CSMD1: variants seen among roughly 807,000 people sequenced by gnomAD.
The protein encoded by CSMD1 is CUB and sushi domain-containing protein 1.
CSMD1 carries 213 observed loss-of-function variants against 417.5 expected under a neutral mutation model. The observed-to-expected ratio is 0.51, with a 90% CI of 0.46 to 0.57. The LOEUF is 0.57. Among genes scored for constraint, CSMD1 ranks in the 20% least tolerant of loss-of-function variants. The probability of loss-of-function intolerance (pLI) is 0.00; values close to 1 mark genes in which losing one functional copy is unlikely to be tolerated. For missense variants in CSMD1, 6,923 were observed against 4,529.7 expected (o/e 1.53, Z -15.17); for synonymous variants, 2,862 against 1,736.8 (o/e 1.65, Z -16.11).
intron 2 of CSMD1, among the ~76,000 whole-genome samples, chr8:4,444,630 C>G (rs73660829): frequency 5.3e-4 from 80 of 152,194 alleles, no homozygotes; most frequent in African/African-American, 1.9e-3. Context: ...CATCTGTAAA[C>G]ATGGTTATTA....
chr8:3,941,132 C>G (rs149203000), intron 5 of CSMD1, among the ~76,000 whole-genome samples: 1 of 151,936 alleles, frequency 6.6e-6, no homozygotes, highest in Non-Finnish European at 1.5e-5. Flanking sequence ...CATATGTATA[C>G]AGTTAAGAAG....
chr8:3,801,399 A>G (rs12542437), intron 5 of CSMD1, among the ~76,000 whole-genome samples: 121,515 of 152,098 alleles, frequency 0.8, 48,749 homozygotes, highest in African/African-American at 0.85. Context: ...TAAATTTAAA[A>G]CCACAGTGAG....
intron 1 of CSMD1, among the ~76,000 whole-genome samples, chr8:4,936,731 G>A (rs1427056798): frequency 6.6e-6 from 1 of 152,106 alleles, no homozygotes; most frequent in South Asian, 2.1e-4. Context: ...TTAATAGGCA[G>A]GACCTGATAA....
intron 49 of CSMD1, among the ~76,000 whole-genome samples, chr8:3,062,215 C>T (rs551683615): frequency 6.6e-6 from 1 of 152,124 alleles, no homozygotes; most frequent in Admixed American, 6.6e-5. Flanking sequence ...AATAATTAGG[C>T]ACCAAGAAAC....
At chr8:3,764,137 G>C (rs1055172447) in intron 5 of CSMD1, among the ~76,000 whole-genome samples, 1 of 152,156 alleles carries the variant, frequency 6.6e-6, no homozygotes, top group Non-Finnish European at 1.5e-5. Context: ...GGCTCAGGGA[G>C]TGCACAGCAC....
intron 12 of CSMD1, among the ~76,000 whole-genome samples, chr8:3,453,831 C>T (rs546301584): frequency 6.6e-6 from 1 of 152,278 alleles, no homozygotes; most frequent in Admixed American, 6.5e-5. Flanking sequence ...ATTAGATCTG[C>T]TTGGTGCAGA....
At chr8:4,016,698 C>G (rs150683092) in intron 4 of CSMD1, among the ~76,000 whole-genome samples, 69 of 152,272 alleles carry the variant, frequency 4.5e-4, no homozygotes, top group Middle Eastern at 3.4e-3. Flanking sequence ...ATAGATTTAG[C>G]CTTTAAGTAA....
chr8:4,820,216 T>C (rs1278186126), intron 1 of CSMD1, among the ~76,000 whole-genome samples: 1 of 152,124 alleles, frequency 6.6e-6, no homozygotes, highest in Admixed American at 6.5e-5. Flanking sequence ...CAGAGAATGA[T>C]ATGCATTATT....
At chr8:4,324,963 A>T (rs1799473754) in intron 3 of CSMD1, among the ~76,000 whole-genome samples, 1 of 152,146 alleles carries the variant, frequency 6.6e-6, no homozygotes, top group Admixed American at 6.5e-5. Context: ...TGGAAAGGAT[A>T]TCATTATATC....
At chr8:3,302,114 G>GAGAC (rs542973930) in intron 25 of CSMD1, among the ~76,000 whole-genome samples, 42 of 152,246 alleles carry the variant, frequency 2.8e-4, no homozygotes, top group African/African-American at 9.9e-4. Context: ...CCCTTGGAGG[G>GAGAC]AGACAGTAAC....
intron 5 of CSMD1, among the ~76,000 whole-genome samples, chr8:3,973,215 C>A (rs1319486142): frequency 2.6e-5 from 4 of 152,170 alleles, no homozygotes; most frequent in African/African-American, 9.7e-5. Flanking sequence ...TGCAGCTGTG[C>A]CCTACATAGA....
intron 5 of CSMD1, among the ~76,000 whole-genome samples, chr8:3,794,985 CTATCTATCATGTATAGCTATAAATACA>C (rs1799962349): frequency 1.2e-5 from 1 of 86,176 alleles, no homozygotes; most frequent in Non-Finnish European, 2.4e-5. Flanking sequence ...AGATATATAT[CTATCTATCATGTATAGCTATAAATACA>C]TATCTATCAT....
intron 3 of CSMD1, among the ~76,000 whole-genome samples, chr8:4,289,833 T>A (rs1173320651): frequency 6.6e-6 from 1 of 152,204 alleles, no homozygotes; most frequent in Non-Finnish European, 1.5e-5. Context: ...TAATCTAATG[T>A]CTGGCTCAGA....
intron 3 of CSMD1, among the ~76,000 whole-genome samples, chr8:4,143,115 A>G (rs1803890948): frequency 7.2e-6 from 1 of 138,112 alleles, no homozygotes; most frequent in South Asian, 2.5e-4. Flanking sequence ...TTGGGAAACT[A>G]TGGAGGATTG....
intron 17 of CSMD1, among the ~76,000 whole-genome samples, chr8:3,392,627 A>G (rs1811419079): frequency 6.6e-6 from 1 of 151,960 alleles, no homozygotes; most frequent in African/African-American, 2.4e-5. Context: ...CACCTTATTC[A>G]GAATCACCTC....
chr8:2,984,955 T>C (rs778227805), intron 54 of CSMD1, among the ~76,000 whole-genome samples: 24 of 152,210 alleles, frequency 1.6e-4, no homozygotes, highest in Non-Finnish European at 3.1e-4. Flanking sequence ...ATTGAAAATG[T>C]TTTAAAGTAT....
At chr8:3,568,117 AAAAC>A (rs1799792932) in intron 10 of CSMD1, among the ~76,000 whole-genome samples, 1 of 152,194 alleles carries the variant, frequency 6.6e-6, no homozygotes, top group Admixed American at 6.5e-5. Context: ...AATATATAAT[AAAAC>A]AAACTTATAA....
At chr8:4,136,514 A>C (rs115444333) in intron 3 of CSMD1, among the ~76,000 whole-genome samples, 4,435 of 152,332 alleles carry the variant, frequency 0.029, 219 homozygotes, top group African/African-American at 0.099. Context: ...CACTACAGCA[A>C]TAGCAAACAT....
chr8:4,307,817 T>A (rs34379313), intron 3 of CSMD1, among the ~76,000 whole-genome samples: 11,066 of 152,154 alleles, frequency 0.073, 515 homozygotes, highest in East Asian at 0.26. Context: ...TCTGAAAAAT[T>A]ATAATATGAT....
Sources: gnomAD v4.1 joint callset for allele counts (sites outside exome capture counted in the v4.1 genomes callset) on GRCh38, gnomAD v4.1.1 for gene constraint, MANE v1.5 for transcripts, NCBI Gene and HGNC (gene_info 2026-07-23, HGNC 2026-07-21) for gene names.